TACR3: variants seen among roughly 807,000 people sequenced by gnomAD.
TACR3 encodes tachykinin receptor 3, also known as neuromedin-K receptor.
Under a neutral mutation model 35.0 loss-of-function variants are expected in TACR3, and 34 were observed. The observed-to-expected ratio is 0.97, with a 90% CI of 0.74 to 1.30. The LOEUF is 1.30. Ranked by LOEUF, TACR3 falls within the 50% of genes most tolerant of loss-of-function variation. TACR3 has a pLI of 0.00. For synonymous variants in TACR3, 233 were observed against 221.1 expected (o/e 1.05, Z -0.48); for missense variants, 558 against 591.7 (o/e 0.94, Z 0.59).
chr4:103,687,703 C>A (rs901345402), intron 1 of TACR3, among the ~76,000 whole-genome samples: 2 of 152,048 alleles, frequency 1.3e-5, no homozygotes, highest in South Asian at 2.1e-4. Flanking sequence ...ACGTGAAGGA[C>A]CTCTTCAAGG....
rs555442444 is a variant in TACR3 at position 103,639,424 on chromosome 4, C to T, written c.888+16770G>A. ...CATGGACACAGGAAGGGGAACATCA[C>T]ACACCAGGGACTGTTGTGGGGTGGG... On this transcript the variant is annotated intron_variant, in intron 3 of 4. Transcript: ENST00000304883. 7.9e-5 allele frequency among the ~76,000 whole-genome samples: 12 copies of T among 151,934 alleles called. No homozygotes were observed. In the South Asian group the frequency reaches 2.3e-3, roughly 29 times the overall value.
intron 1 of TACR3, among the ~76,000 whole-genome samples, chr4:103,710,623 G>A (rs1003976504): frequency 9.9e-5 from 15 of 151,862 alleles, no homozygotes; most frequent in African/African-American, 2.9e-4. Context: ...CTAGCAGAAG[G>A]CAAGAAAAAA....
intron 1 of TACR3, among the ~76,000 whole-genome samples, chr4:103,660,190 C>A (rs1725811910): frequency 6.6e-6 from 1 of 151,842 alleles, no homozygotes; most frequent in South Asian, 2.1e-4. Flanking sequence ...TTAATATTAA[C>A]TATAGTCATG....
intron 3 of TACR3, among the ~76,000 whole-genome samples, chr4:103,629,328 T>G (rs1046069794): frequency 5.9e-4 from 90 of 152,116 alleles, no homozygotes; most frequent in Middle Eastern, 6.8e-3. Flanking sequence ...GGTATTCAAT[T>G]AGGAAAAGAG....
chr4:103,708,872 T>C (rs1199144374), intron 1 of TACR3, among the ~76,000 whole-genome samples: 1 of 152,156 alleles, frequency 6.6e-6, no homozygotes, highest in East Asian at 1.9e-4. Context: ...CAAGCTTCAG[T>C]AGCCGATTTG....
At chr4:103,711,797 T>C (rs904500101) in intron 1 of TACR3, among the ~76,000 whole-genome samples, 1 of 152,092 alleles carries the variant, frequency 6.6e-6, no homozygotes, top group East Asian at 1.9e-4. Context: ...TCAGCAAAGT[T>C]TCAGGATACA....
At chr4:103,656,416 C>T (rs1029692692) in intron 2 of TACR3, 72 bp from the exon 3 acceptor site, 2 of 1,438,896 alleles carry the variant, frequency 1.4e-6, no homozygotes, top group East Asian at 2.3e-5. Context: ...ATTGGCTCAG[C>T]TTTAAATCAT....
At chr4:103,615,258 A>C (rs572837508) in intron 3 of TACR3, among the ~76,000 whole-genome samples, 1 of 152,150 alleles carries the variant, frequency 6.6e-6, no homozygotes, top group Admixed American at 6.6e-5. Context: ...CATGGGTAAC[A>C]TGAAGACCGA....
rs548276179 is a variant in TACR3 at position 103,709,435 on chromosome 4, C to A, written c.548+9693G>T. On this transcript the variant is annotated intron_variant, in intron 1 of 4. Coordinates refer to ENST00000304883, the MANE Select transcript of TACR3 (RefSeq NM_001059.3). ...TTCATAAGTGAAGGAGAAATAAAAT[C>A]CTTTACAGACAAGCAAATGCTGAGA... Among the ~76,000 whole-genome samples the A allele has an allele frequency of 1.1e-4, 16 of 152,224 alleles. No individual in the cohort carries two copies. In the East Asian group the frequency reaches 2.3e-3, roughly 22 times the overall value.
chr4:103,603,832 C>G (rs762733928), intron 3 of TACR3, among the ~76,000 whole-genome samples: 3 of 152,112 alleles, frequency 2.0e-5, no homozygotes, highest in Non-Finnish European at 4.4e-5. Flanking sequence ...TCTCCAGCAA[C>G]TGTTGTTTCC....
At chr4:103,593,297 T>G (rs1723934598) in intron 3 of TACR3, 1 of 152,116 alleles carries the variant, frequency 6.6e-6, no homozygotes, top group Admixed American at 6.6e-5. Context: ...GATAAAAACA[T>G]CTGTTGAATA....
intron 1 of TACR3, among the ~76,000 whole-genome samples, chr4:103,700,367 T>C (rs6822849): frequency 0.24 from 37,233 of 152,066 alleles, 7,097 homozygotes; most frequent in African/African-American, 0.52. Context: ...TACAGGAGTG[T>C]GTAACAGATA....
chr4:103,643,183 G>T (rs1725392393), intron 3 of TACR3, among the ~76,000 whole-genome samples: 1 of 151,698 alleles, frequency 6.6e-6, no homozygotes, highest in African/African-American at 2.4e-5. Context: ...TACATAACTA[G>T]AATAAAATAA....
chr4:103,629,593 G>A (rs1724995292), intron 3 of TACR3, among the ~76,000 whole-genome samples: 1 of 151,974 alleles, frequency 6.6e-6, no homozygotes, highest in South Asian at 2.1e-4. Context: ...GGGATGTGGA[G>A]GACCTCTTCA....
chr4:103,612,042 T>C (rs1288684971), intron 3 of TACR3, among the ~76,000 whole-genome samples: 1 of 152,214 alleles, frequency 6.6e-6, no homozygotes, highest in Non-Finnish European at 1.5e-5. Context: ...ATACAGTAAC[T>C]TTTTAAAAAA....
intron 1 of TACR3, among the ~76,000 whole-genome samples, chr4:103,680,816 CT>C (rs913285947): frequency 6.6e-6 from 1 of 151,680 alleles, no homozygotes; most frequent in Non-Finnish European, 1.5e-5. Flanking sequence ...CATCTATGTT[CT>C]CACTTAATAG....
chr4:103,714,561 G>T (rs1723041855), intron 1 of TACR3, among the ~76,000 whole-genome samples: 1 of 152,000 alleles, frequency 6.6e-6, no homozygotes, highest in South Asian at 2.1e-4. Context: ...TTACTATTTT[G>T]TAAATAATTC....
chr4:103,659,139 G>A (rs1725788218), intron 1 of TACR3, among the ~76,000 whole-genome samples: 1 of 152,164 alleles, frequency 6.6e-6, no homozygotes, highest in Non-Finnish European at 1.5e-5. Context: ...AGTAAAAACA[G>A]ATGAAGCTTC....
chr4:103,706,135 A>C (rs1019529331), intron 1 of TACR3, among the ~76,000 whole-genome samples: 1 of 152,140 alleles, frequency 6.6e-6, no homozygotes, highest in African/African-American at 2.4e-5. Context: ...GAACAACTGG[A>C]TGAATGCTTG....
Sources: gnomAD v4.1 joint callset for allele counts (sites outside exome capture counted in the v4.1 genomes callset) on GRCh38, gnomAD v4.1.1 for gene constraint, MANE v1.5 for transcripts, NCBI Gene and HGNC (gene_info 2026-07-23, HGNC 2026-07-21) for gene names.